Variants in HDAC9 observed in about 807,000 individuals in gnomAD.
HDAC9 encodes MEF-2 interacting transcription repressor (MITR) protein.
A neutral mutation model predicts 139.4 loss-of-function variants in HDAC9; 41 were observed. That is an observed-to-expected ratio of 0.29 (90% CI 0.23 to 0.38). The LOEUF (loss-of-function observed/expected upper bound fraction) is 0.38. HDAC9 is among the 10% of genes least tolerant of loss of function. The pLI is 1.00. For missense variants in HDAC9, 1,147 were observed against 1,297.0 expected (o/e 0.88, Z 1.78); for synonymous variants, 517 against 476.2 (o/e 1.09, Z -1.12).
intron 1 of HDAC9, among the ~76,000 whole-genome samples, chr7:18,416,723 A>G (rs1007558139): frequency 6.6e-6 from 1 of 152,220 alleles, no homozygotes; most frequent in Non-Finnish European, 1.5e-5. Context: ...CATAATATCT[A>G]TAGAATTTGT....
chr7:18,763,023 T>C (rs1789524175), intron 15 of HDAC9, among the ~76,000 whole-genome samples: 1 of 152,194 alleles, frequency 6.6e-6, no homozygotes, highest in Admixed American at 6.5e-5. Flanking sequence ...TGAATAACAA[T>C]ATCTAACATT....
At chr7:18,372,979 T>C (rs1225445556) in intron 1 of HDAC9, among the ~76,000 whole-genome samples, 2 of 152,200 alleles carry the variant, frequency 1.3e-5, no homozygotes, top group East Asian at 3.8e-4. Flanking sequence ...GTCAAAAGAC[T>C]TGAGTTTTTT....
chr7:18,132,682 A>G (rs908767902), intron 1 of HDAC9, among the ~76,000 whole-genome samples: 8 of 152,174 alleles, frequency 5.3e-5, no homozygotes, highest in Admixed American at 1.3e-4. Flanking sequence ...CCTTCAACTA[A>G]GTTTATTCAG....
intron 21 of HDAC9, among the ~76,000 whole-genome samples, chr7:18,864,224 T>G (rs951116787): frequency 6.6e-6 from 1 of 152,204 alleles, no homozygotes; most frequent in African/African-American, 2.4e-5. Context: ...TCCTGCCATA[T>G]GTAACAACAT....
intron 12 of HDAC9, among the ~76,000 whole-genome samples, chr7:18,727,378 G>A (rs1192804417): frequency 1.3e-5 from 2 of 152,192 alleles, no homozygotes; most frequent in African/African-American, 2.4e-5. Context: ...GGCCCTGGCC[G>A]TCAGTGTGAA....
chr7:18,198,150 A>G (rs1790854372), intron 2 of HDAC9, among the ~76,000 whole-genome samples: 1 of 152,174 alleles, frequency 6.6e-6, no homozygotes, highest in African/African-American at 2.4e-5. Context: ...AAAATACTGT[A>G]ATAGATTAAA....
At chr7:18,246,877 G>A (rs1197171399) in intron 2 of HDAC9, among the ~76,000 whole-genome samples, 1 of 152,108 alleles carries the variant, frequency 6.6e-6, no homozygotes, top group Non-Finnish European at 1.5e-5. Flanking sequence ...GGTAGCAAGA[G>A]TGAGAGTGCT....
chr7:18,398,940 T>C (rs984434452), intron 1 of HDAC9, among the ~76,000 whole-genome samples: 1 of 151,970 alleles, frequency 6.6e-6, no homozygotes, highest in Non-Finnish European at 1.5e-5. Context: ...AGGAGAAAGG[T>C]GTATAATAAT....
intron 17 of HDAC9, among the ~76,000 whole-genome samples, chr7:18,806,577 TA>T (rs1167553582): frequency 6.6e-6 from 1 of 152,248 alleles, no homozygotes; most frequent in Non-Finnish European, 1.5e-5. Context: ...GAAAAGGCTC[TA>T]TGCTTTTAAG....
intron 2 of HDAC9, among the ~76,000 whole-genome samples, chr7:18,234,239 A>G (rs1051783005): frequency 6.6e-6 from 1 of 152,210 alleles, no homozygotes; most frequent in Non-Finnish European, 1.5e-5. Flanking sequence ...CACATCTTGG[A>G]TGCTTCCCTC....
chr7:18,325,273 T>G (rs1397381027), intron 1 of HDAC9, among the ~76,000 whole-genome samples: 1 of 152,128 alleles, frequency 6.6e-6, no homozygotes, highest in Non-Finnish European at 1.5e-5. Flanking sequence ...AAAACCCTAT[T>G]TTTTAAATAT....
rs563475166 is a variant in HDAC9 at position 18,094,524 on chromosome 7, A to T, written c.-97+7311A>T. Among the ~76,000 whole-genome samples the T allele has an allele frequency of 2.0e-5, 3 of 149,884 alleles. No individual in the cohort carries two copies. In the Admixed American group the frequency reaches 2.0e-4, roughly 10 times the overall value. ...CAGCTCAGTATAACCTTGAGCTCCT[A>T]GGCTCAAGTGATCCTTCTGTGTCAG... On this transcript the variant is annotated intron_variant, in intron 1 of 12. Transcript: ENST00000417496.
At chr7:18,235,543 G>A (rs974302380) in intron 2 of HDAC9, among the ~76,000 whole-genome samples, 1 of 152,154 alleles carries the variant, frequency 6.6e-6, no homozygotes, top group African/African-American at 2.4e-5. Flanking sequence ...GTATTAGTGA[G>A]TATTTACAAG....
At chr7:18,281,069 A>T (rs1797074555) in intron 2 of HDAC9, among the ~76,000 whole-genome samples, 1 of 152,196 alleles carries the variant, frequency 6.6e-6, no homozygotes, top group African/African-American at 2.4e-5. Flanking sequence ...ACTTTTGGGC[A>T]GATGTGCCTG....
At chr7:18,686,768 T>G (rs868752488) in intron 12 of HDAC9, among the ~76,000 whole-genome samples, 1 of 151,798 alleles carries the variant, frequency 6.6e-6, no homozygotes, top group Non-Finnish European at 1.5e-5. Flanking sequence ...TACATAGTTA[T>G]AGTAAAACAC....
At chr7:18,508,192 A>T (rs1800381302) in intron 2 of HDAC9, among the ~76,000 whole-genome samples, 1 of 152,230 alleles carries the variant, frequency 6.6e-6, no homozygotes, top group African/African-American at 2.4e-5. Context: ...AAATAAGAGA[A>T]TGGGGTAGAA....
chr7:18,267,227 A>G (rs1293674348), intron 2 of HDAC9, among the ~76,000 whole-genome samples: 1 of 152,114 alleles, frequency 6.6e-6, no homozygotes, highest in Admixed American at 6.6e-5. Flanking sequence ...TGAAACATGT[A>G]TACATTGTGG....
At chr7:18,927,191 A>G (rs974755315) in intron 22 of HDAC9, among the ~76,000 whole-genome samples, 1 of 152,174 alleles carries the variant, frequency 6.6e-6, no homozygotes, top group African/African-American at 2.4e-5. Flanking sequence ...AGATGAAAGG[A>G]CTTTATGGTA....
rs539621404 is a variant in HDAC9 at position 18,834,500 on chromosome 7, A to G, written c.2467-967A>G. ...GTATCTGTATCATAAAACAGTGAGA[A>G]AAAAGAACTGTCAAGTTTTATATCA... On this transcript the variant is annotated intron_variant, in intron 19 of 25. Coordinates refer to ENST00000686413, the MANE Select transcript of HDAC9 (RefSeq NM_178425.4). Among the ~76,000 whole-genome samples, 16 of 151,930 alleles carry G rather than the reference A, an allele frequency of 1.1e-4. No homozygotes were observed. In the South Asian group the frequency reaches 3.1e-3, roughly 30 times the overall value.
Sources: gnomAD v4.1 joint callset for allele counts (sites outside exome capture counted in the v4.1 genomes callset) on GRCh38, gnomAD v4.1.1 for gene constraint, MANE v1.5 for transcripts, NCBI Gene and HGNC (gene_info 2026-07-23, HGNC 2026-07-21) for gene names.